USP10: variants seen among roughly 807,000 people sequenced by gnomAD.
USP10 encodes ubiquitin specific peptidase 10, also known as ubiquitin carboxyl-terminal hydrolase 10.
A neutral mutation model predicts 84.5 loss-of-function variants in USP10; 22 were observed. The ratio of observed to expected loss-of-function variants is 0.26; its 90% confidence interval spans 0.19 to 0.37. The LOEUF is 0.37. Among genes scored for constraint, USP10 ranks in the 10% least tolerant of loss-of-function variants. The pLI is 1.00. For synonymous variants in USP10, 454 were observed against 387.6 expected, an observed-to-expected ratio of 1.17 and a Z score of -2.01; for missense variants, 1,019 against 998.9, an observed-to-expected ratio of 1.02 and a Z score of -0.27.
At chr16:84,764,508 A>G (rs955711436) in intron 10 of USP10, among the ~76,000 whole-genome samples, 1 of 152,136 alleles carries the variant, frequency 6.6e-6, no homozygotes, top group Non-Finnish European at 1.5e-5. Context: ...TGTCAAGTTC[A>G]GCTGCTCACT....
chr16:84,712,218 C>A (rs1906400171), intron 1 of USP10, among the ~76,000 whole-genome samples: 1 of 152,184 alleles, frequency 6.6e-6, no homozygotes, highest in Non-Finnish European at 1.5e-5. Flanking sequence ...GATGCCCTGT[C>A]CTTCCTCAGG....
At chr16:84,729,562 A>G (rs1908940168) in intron 1 of USP10, among the ~76,000 whole-genome samples, 1 of 152,216 alleles carries the variant, frequency 6.6e-6, no homozygotes, top group African/African-American at 2.4e-5. Context: ...GGAGATGGAA[A>G]TTCTAATCAA....
At chr16:84,709,251 CTG>C (rs1333736702) in intron 1 of USP10, 4 of 152,236 alleles carry the variant, frequency 2.6e-5, no homozygotes, top group Non-Finnish European at 5.9e-5. Flanking sequence ...GGAACACAAT[CTG>C]AAGTCAGAGA....
rs752828300 is a variant in USP10, at chr16:84,779,092, G to A, written c.*10G>A. ...AGTGGACCTGCTGTAAACCCTGTGTGCGCTGTGTGTGCGCCCAGTGCCCGC... is the reference window on the plus strand; with the variant it reads ...AGTGGACCTGCTGTAAACCCTGTGTACGCTGTGTGTGCGCCCAGTGCCCGC... On this transcript the variant is annotated 3_prime_UTR_variant, in exon 14 of 14. Coordinates refer to ENST00000219473, the MANE Select transcript of USP10 (RefSeq NM_005153.3). 6.2e-7 allele frequency: 1 copy of A among 1,608,790 alleles called. No homozygotes were observed. The highest frequency in any genetic ancestry group is 2.2e-5 in the East Asian group (1 of 44,718).
chr16:84,756,021 G>C (rs1488290543), intron 4 of USP10, among the ~76,000 whole-genome samples: 1 of 152,068 alleles, frequency 6.6e-6, no homozygotes, highest in East Asian at 1.9e-4. Context: ...GCTTCCATTT[G>C]GTGGCTTCAA....
chr16:84,742,453 T>G (rs1464185462), intron 3 of USP10, among the ~76,000 whole-genome samples: 1 of 152,220 alleles, frequency 6.6e-6, no homozygotes, highest in Non-Finnish European at 1.5e-5. Context: ...AGGGCCCTTG[T>G]GTCACTAATC....
At chr16:84,777,905 G>A (rs898758135) in intron 13 of USP10, among the ~76,000 whole-genome samples, 4 of 152,188 alleles carry the variant, frequency 2.6e-5, no homozygotes, top group Admixed American at 6.5e-5. Flanking sequence ...GAATGCTGCC[G>A]GACAGCCGCC....
intron 1 of USP10, among the ~76,000 whole-genome samples, chr16:84,725,106 A>G (rs886445877): frequency 2.6e-5 from 4 of 152,206 alleles, no homozygotes; most frequent in African/African-American, 9.6e-5. Context: ...TGTATTCACA[A>G]AGTTTTGCAG....
intron 3 of USP10, among the ~76,000 whole-genome samples, chr16:84,740,919 T>G (rs1341362864): frequency 6.6e-6 from 1 of 152,262 alleles, no homozygotes; most frequent in African/African-American, 2.4e-5. Flanking sequence ...CTTATGGAGA[T>G]GCAATGATTT....
chr16:84,725,181 G>A (rs1444394123), intron 1 of USP10, among the ~76,000 whole-genome samples: 1 of 152,148 alleles, frequency 6.6e-6, no homozygotes, highest in Non-Finnish European at 1.5e-5. Context: ...TTCATTAGCA[G>A]TCACCGCCTC....
intron 4 of USP10, among the ~76,000 whole-genome samples, chr16:84,752,470 C>G (rs1912045006): frequency 6.6e-6 from 1 of 152,300 alleles, no homozygotes; most frequent in South Asian, 2.1e-4. Context: ...GCCCGCCTTC[C>G]TCATTTTTAT....
rs184920676 is a variant in USP10 at position 84,763,936 on chromosome 16, C to T, written c.1655-150C>T. On this transcript the variant is annotated intron_variant, in intron 9 of 13. Coordinates refer to ENST00000219473, the MANE Select transcript of USP10 (RefSeq NM_005153.3). The stretch of plus-strand genomic sequence containing the variant: ...TTGCGATTGGCCGTGGATCCAGTGA[C>T]GTTGCTCCTGTTGCGATTGGTTGCC... 63 of 967,066 alleles carry T rather than the reference C, an allele frequency of 6.5e-5. 3 individuals carry two copies. Among genetic ancestry groups the T allele is most frequent in the Admixed American group, 2.7e-4 (9 of 33,312 alleles). The allele number at this position is 967,066 out of a possible 1,614,324, so 59.9% of individuals were successfully genotyped here.
At chr16:84,739,828 A>C (rs956275406) in intron 2 of USP10, among the ~76,000 whole-genome samples, 2 of 152,210 alleles carry the variant, frequency 1.3e-5, no homozygotes, top group African/African-American at 4.8e-5. Context: ...TTTTGTTTAT[A>C]GTGCGCTTTC....
intron 3 of USP10, among the ~76,000 whole-genome samples, chr16:84,740,675 T>A (rs920195021): frequency 2.6e-5 from 4 of 152,264 alleles, no homozygotes; most frequent in Non-Finnish European, 5.9e-5. Context: ...ATGCTGGAGT[T>A]GAAGCGAACT....
chr16:84,710,269 GA>G (rs570292528), intron 1 of USP10, among the ~76,000 whole-genome samples: 12,320 of 125,466 alleles, frequency 0.098, 576 homozygotes, highest in East Asian at 0.28. Flanking sequence ...CTCCATCTCG[GA>G]AAAAAAAAAA....
intron 2 of USP10, among the ~76,000 whole-genome samples, chr16:84,735,381 C>T (rs1007724726): frequency 3.9e-5 from 6 of 152,092 alleles, no homozygotes; most frequent in African/African-American, 1.4e-4. Context: ...TAGACAAAAA[C>T]TTGAGTTTTC....
intron 1 of USP10, among the ~76,000 whole-genome samples, chr16:84,702,805 C>T (rs991943619): frequency 6.6e-6 from 1 of 150,448 alleles, no homozygotes; most frequent in Non-Finnish European, 1.5e-5. Flanking sequence ...TCAGCCTGAC[C>T]AATATAGTGA....
chr16:84,745,006 C>T lies in USP10; in HGVS notation c.525C>T (p.Ala175=). 6.2e-7 allele frequency: 1 copy of T among 1,613,770 alleles called. No individual in the cohort carries two copies. The highest frequency in any genetic ancestry group is 8.5e-7 in the Non-Finnish European group (1 of 1,179,724). ...DGGDDSISTE[A]LVNGHANSAV... is the part of the protein sequence containing the mutation. ...GCGATGATAGTATCTCCACAGAAGC[C>T]CTGGTCAATGGCCATGCCAATTCAG... Residue 175 remains alanine (A), a synonymous_variant, in exon 4 of 14, where the codon GCC becomes GCT. Transcript: ENST00000219473.
chr16:84,763,103 A>C lies in USP10; in HGVS notation c.1654+15A>C, dbSNP rs548212096. 2 of 1,572,682 alleles carry C rather than the reference A, an allele frequency of 1.3e-6. No homozygotes were observed. The highest frequency in any genetic ancestry group is 1.7e-5 in the Admixed American group (1 of 59,428). ...AAGTAATGAAAGTAGGTTATGGTCCACTTGCCGCAGAGTTGTGCAAGAGTT... is the reference window on the plus strand; with the variant it reads ...AAGTAATGAAAGTAGGTTATGGTCCCCTTGCCGCAGAGTTGTGCAAGAGTT... On this transcript the variant is annotated intron_variant, in intron 9 of 13. Coordinates refer to ENST00000219473, the MANE Select transcript of USP10 (RefSeq NM_005153.3).
Sources: gnomAD v4.1 joint callset for allele counts (sites outside exome capture counted in the v4.1 genomes callset) on GRCh38, gnomAD v4.1.1 for gene constraint, MANE v1.5 for transcripts, NCBI Gene and HGNC (gene_info 2026-07-23, HGNC 2026-07-21) for gene names.